Variants in SCAPER observed in about 807,000 individuals in gnomAD.
SCAPER encodes S-phase cyclin A associated protein in the ER.
In SCAPER, 98 loss-of-function variants were observed where a neutral mutation model predicts 182.2. The ratio of observed to expected loss-of-function variants is 0.54; its 90% CI spans 0.46 to 0.64. SCAPER has a LOEUF of 0.64. Among genes scored for constraint, SCAPER ranks in the 30% least tolerant of loss-of-function variants. The pLI is 0.00. For synonymous variants in SCAPER, 605 were observed against 564.6 expected, an observed-to-expected ratio of 1.07 and a Z score of -1.01; for missense variants, 1,432 against 1,690.0, an observed-to-expected ratio of 0.85 and a Z score of 2.68.
At chr15:76,657,138 G>C (rs1287427501) in intron 21 of SCAPER, among the ~76,000 whole-genome samples, 1 of 152,036 alleles carries the variant, frequency 6.6e-6, no homozygotes, top group Admixed American at 6.6e-5. Context: ...AAGTAAGACT[G>C]ATAGACCACT....
chr15:76,542,708 C>A (rs934970295), intron 23 of SCAPER, among the ~76,000 whole-genome samples: 1 of 151,784 alleles, frequency 6.6e-6, no homozygotes, highest in Non-Finnish European at 1.5e-5. Context: ...AAGAATTTTG[C>A]TTTTTTTACT....
At chr15:76,722,002 G>A (rs2060274634) in intron 17 of SCAPER, among the ~76,000 whole-genome samples, 1 of 152,100 alleles carries the variant, frequency 6.6e-6, no homozygotes, top group South Asian at 2.1e-4. Context: ...CCTGTCTTGT[G>A]CCAGTTTTCA....
chr15:76,767,151 T>C, intron 10 of SCAPER, 63 bp from the exon 11 acceptor site: 4 of 1,398,928 alleles, frequency 2.9e-6, no homozygotes, highest in Non-Finnish European at 2.9e-6. Context: ...AGTAATCATT[T>C]TTTATGTTCT....
chr15:76,390,797 CTATGTTGTGTTGCCAAGTAA>C (rs145121614), intron 27 of SCAPER, among the ~76,000 whole-genome samples: 49,838 of 152,094 alleles, frequency 0.33, 8,545 homozygotes, highest in East Asian at 0.58. Flanking sequence ...CTGCCAGAGG[CTATGTTGTGTTGCCAAGTAA>C]AGGTAATTGC....
intron 5 of SCAPER, among the ~76,000 whole-genome samples, chr15:76,812,834 T>A (rs1022131041): frequency 6.6e-6 from 1 of 151,216 alleles, no homozygotes; most frequent in African/African-American, 2.4e-5. Context: ...AAACCAGATA[T>A]CTTCAGAGCC....
intron 17 of SCAPER, among the ~76,000 whole-genome samples, chr15:76,727,682 A>C (rs1307433368): frequency 6.6e-6 from 1 of 152,096 alleles, no homozygotes; most frequent in Non-Finnish European, 1.5e-5. Context: ...ATAAGACCAA[A>C]AGGCATAAAT....
chr15:76,857,778 T>G, intron 4 of SCAPER, 31 bp downstream of exon 4: 2 of 1,334,040 alleles, frequency 1.5e-6, no homozygotes, highest in Non-Finnish European at 2.0e-6. Context: ...AAATTAAAAG[T>G]AAATAAGTAA....
intron 23 of SCAPER, among the ~76,000 whole-genome samples, chr15:76,565,963 A>T (rs910473101): frequency 3.3e-5 from 5 of 152,146 alleles, no homozygotes; most frequent in Admixed American, 6.5e-5. Context: ...TAGTGAAGGG[A>T]TCAAAAGAGA....
chr15:76,513,722 C>T (rs2042218923), intron 23 of SCAPER, among the ~76,000 whole-genome samples: 1 of 152,132 alleles, frequency 6.6e-6, no homozygotes, highest in South Asian at 2.1e-4. Flanking sequence ...TCAGATACAC[C>T]ATTTCATACT....
chr15:76,409,612 T>TAA (rs200648725), intron 26 of SCAPER, among the ~76,000 whole-genome samples: 12 of 147,588 alleles, frequency 8.1e-5, no homozygotes, highest in Non-Finnish European at 1.4e-4. Flanking sequence ...CCGAATCTAT[T>TAA]AAAAAAAAAA....
At chr15:76,784,048 G>C (rs1475926199) in intron 8 of SCAPER, among the ~76,000 whole-genome samples, 1 of 152,174 alleles carries the variant, frequency 6.6e-6, no homozygotes, top group Non-Finnish European at 1.5e-5. Flanking sequence ...AATCAGGCAA[G>C]AGAAAGAAAT....
intron 24 of SCAPER, among the ~76,000 whole-genome samples, chr15:76,493,235 C>T (rs538193442): frequency 6.6e-6 from 1 of 152,236 alleles, no homozygotes; most frequent in East Asian, 1.9e-4. Flanking sequence ...CCCTGCACTT[C>T]ATATCATAAA....
At chr15:76,862,555 C>G (rs770342473) in intron 2 of SCAPER, 22 bp from the exon 3 acceptor site, 25 of 1,401,606 alleles carry the variant, frequency 1.8e-5, no homozygotes, top group Non-Finnish European at 1.9e-5. Flanking sequence ...AAAGATGGTA[C>G]TTATTAGATT....
chr15:76,779,711 T>TG (rs2063977451), intron 8 of SCAPER, among the ~76,000 whole-genome samples: 3 of 149,096 alleles, frequency 2.0e-5, no homozygotes, highest in Admixed American at 6.7e-5. Context: ...GTTACTCTGT[T>TG]AAAAAAAAAA....
intron 14 of SCAPER, among the ~76,000 whole-genome samples, chr15:76,761,912 C>A (rs2062810654): frequency 6.6e-6 from 1 of 152,114 alleles, no homozygotes; most frequent in Non-Finnish European, 1.5e-5. Context: ...TGTATTGCTG[C>A]CAATTTCTCC....
intron 4 of SCAPER, among the ~76,000 whole-genome samples, chr15:76,843,785 T>C (rs907399140): frequency 6.6e-6 from 1 of 151,822 alleles, no homozygotes; most frequent in Non-Finnish European, 1.5e-5. Context: ...CAGTGAGACC[T>C]TGAAGCTCTC....
intron 23 of SCAPER, among the ~76,000 whole-genome samples, chr15:76,566,910 T>A (rs1448244408): frequency 6.6e-6 from 1 of 152,048 alleles, no homozygotes; most frequent in African/African-American, 2.4e-5. Flanking sequence ...TAATTTTAAT[T>A]TGAACACTGT....
At chr15:76,396,641 T>C (rs1201658328) in intron 27 of SCAPER, among the ~76,000 whole-genome samples, 1 of 152,234 alleles carries the variant, frequency 6.6e-6, no homozygotes, top group Non-Finnish European at 1.5e-5. Context: ...ATAGAAATGC[T>C]ACTGATTTCT....
At position 76,568,686 on chromosome 15, in the gene SCAPER, A is replaced by G. The variant is rs78000393; in HGVS notation, c.2838+5472T>C. Among the ~76,000 whole-genome samples the G allele has an allele frequency of 8.2e-3, 1,249 of 152,226 alleles. 15 individuals carry two copies. The highest frequency in any genetic ancestry group is 0.028 in the African/African-American group (1,179 of 41,538). On this transcript the variant is annotated intron_variant, in intron 23 of 31. Coordinates refer to ENST00000563290, the MANE Select transcript of SCAPER (RefSeq NM_020843.4). Reference sequence around the variant, plus strand: ...TGTTTCATTGGATCTTTGAAATTCCATATTTTAGAATCTGCGCCTACATAT... The same window carrying G: ...TGTTTCATTGGATCTTTGAAATTCCGTATTTTAGAATCTGCGCCTACATAT...
Sources: gnomAD v4.1 joint callset for allele counts (sites outside exome capture counted in the v4.1 genomes callset) on GRCh38, gnomAD v4.1.1 for gene constraint, MANE v1.5 for transcripts, NCBI Gene and HGNC (gene_info 2026-07-23, HGNC 2026-07-21) for gene names.